TCF12: variants seen among roughly 807,000 people sequenced by gnomAD.
The protein encoded by TCF12 is transcription factor 12.
TCF12 carries 45 observed loss-of-function variants against 86.0 expected under a neutral mutation model. The observed-to-expected ratio is 0.52, with a 90% CI of 0.41 to 0.67. The LOEUF (loss-of-function observed/expected upper bound fraction) is 0.67, where lower values mean the gene tolerates loss of function less well. Ranked by LOEUF, TCF12 falls within the 30% of genes least tolerant of loss-of-function variation. The pLI is 0.00. For missense variants in TCF12, 881 were observed against 859.9 expected (o/e 1.02, Z -0.31); for synonymous variants, 330 against 299.6 (o/e 1.10, Z -1.05).
chr15:56,931,384 A>G (rs1379201332), intron 3 of TCF12, among the ~76,000 whole-genome samples: 1 of 152,134 alleles, frequency 6.6e-6, no homozygotes. Flanking sequence ...TTTCAGGGTA[A>G]AAATCAGGAG....
intron 3 of TCF12, among the ~76,000 whole-genome samples, chr15:57,024,607 A>G (rs1201325810): frequency 1.3e-5 from 2 of 152,210 alleles, no homozygotes; most frequent in East Asian, 1.9e-4. Context: ...TTTATTAATG[A>G]TAAGATGATC....
chr15:57,089,407 G>T (rs890528891), intron 4 of TCF12, among the ~76,000 whole-genome samples: 1 of 152,078 alleles, frequency 6.6e-6, no homozygotes, highest in Non-Finnish European at 1.5e-5. Flanking sequence ...ATTTTCTGGT[G>T]CACTGTGAAA....
chr15:56,928,066 A>G (rs1324694455), intron 3 of TCF12, among the ~76,000 whole-genome samples: 1 of 151,996 alleles, frequency 6.6e-6, no homozygotes. Flanking sequence ...GAGAGAGACA[A>G]TATAGTGTAT....
At chr15:57,118,521 C>T (rs1401608126) in intron 5 of TCF12, 2 of 152,042 alleles carry the variant, frequency 1.3e-5, no homozygotes, top group Non-Finnish European at 2.9e-5. Flanking sequence ...TCAGACAGTG[C>T]TGTTACCCTT....
intron 5 of TCF12, among the ~76,000 whole-genome samples, chr15:57,107,255 T>C (rs955742374): frequency 6.8e-6 from 1 of 147,930 alleles, no homozygotes; most frequent in Admixed American, 7.5e-5. Flanking sequence ...TATCAAGCCA[T>C]GAAGAGAGAT....
At chr15:56,999,009 TA>T (rs1173045494) in intron 3 of TCF12, among the ~76,000 whole-genome samples, 1 of 151,808 alleles carries the variant, frequency 6.6e-6, no homozygotes, top group African/African-American at 2.4e-5. Context: ...CCATCCTGGT[TA>T]ACGTGGTGAA....
At chr15:57,265,985 A>C (rs2060846742) in intron 18 of TCF12, among the ~76,000 whole-genome samples, 1 of 152,218 alleles carries the variant, frequency 6.6e-6, no homozygotes, top group South Asian at 2.1e-4. Context: ...ATAACTGTAT[A>C]TTAATATAAG....
chr15:57,057,080 C>G (rs747161573), intron 3 of TCF12, among the ~76,000 whole-genome samples: 1 of 152,158 alleles, frequency 6.6e-6, no homozygotes, highest in Admixed American at 6.5e-5. Flanking sequence ...TGGTTAGACT[C>G]ATAGCAAAAA....
intron 5 of TCF12, among the ~76,000 whole-genome samples, chr15:57,160,214 A>G (rs1018863538): frequency 1.3e-5 from 2 of 152,158 alleles, no homozygotes; most frequent in Non-Finnish European, 2.9e-5. Context: ...GGTTTAATTG[A>G]CTCACAGTTC....
intron 5 of TCF12, among the ~76,000 whole-genome samples, chr15:57,101,454 CCAGGCTTGGCCTCT>C (rs2049743454): frequency 6.6e-6 from 1 of 152,180 alleles, no homozygotes; most frequent in African/African-American, 2.4e-5. Flanking sequence ...AAGCGATCCT[CCAGGCTTGGCCTCT>C]CAAAGTGCTA....
chr15:57,097,559 AG>A (rs1225090239), intron 5 of TCF12, among the ~76,000 whole-genome samples: 1 of 152,072 alleles, frequency 6.6e-6, no homozygotes, highest in Non-Finnish European at 1.5e-5. Context: ...AAAGATATGT[AG>A]TTTGATATAC....
chr15:57,091,252 T>G (rs2151114752), intron 4 of TCF12, among the ~76,000 whole-genome samples: 1 of 152,320 alleles, frequency 6.6e-6, no homozygotes, highest in Non-Finnish European at 1.5e-5. Flanking sequence ...AAGGATTCAT[T>G]TCTAGCATAT....
chr15:57,162,582 C>T (rs1162880107), intron 5 of TCF12, among the ~76,000 whole-genome samples: 11 of 152,088 alleles, frequency 7.2e-5, no homozygotes, highest in African/African-American at 2.7e-4. Flanking sequence ...TCAGAAGAAA[C>T]TTTTACTTTG....
At chr15:56,987,157 C>A (rs1288184217) in intron 3 of TCF12, among the ~76,000 whole-genome samples, 1 of 151,834 alleles carries the variant, frequency 6.6e-6, no homozygotes, top group Non-Finnish European at 1.5e-5. Context: ...GTTGCCCAGG[C>A]CTGGAGTTCA....
At chr15:56,930,471 C>T (rs553865459) in intron 3 of TCF12, among the ~76,000 whole-genome samples, 31 of 152,218 alleles carry the variant, frequency 2.0e-4, no homozygotes, top group African/African-American at 2.6e-4. Flanking sequence ...TCATGTGGTC[C>T]GGAGGCCCAT....
intron 5 of TCF12, among the ~76,000 whole-genome samples, chr15:57,143,553 C>T (rs75315999): frequency 1.3e-5 from 2 of 151,974 alleles, no homozygotes; most frequent in African/African-American, 4.8e-5. Flanking sequence ...ATTTTGTGTT[C>T]CATGTATAGA....
At chr15:57,196,044 T>G (rs2057247634) in intron 7 of TCF12, among the ~76,000 whole-genome samples, 1 of 151,950 alleles carries the variant, frequency 6.6e-6, no homozygotes, top group Non-Finnish European at 1.5e-5. Context: ...TATTGTATAG[T>G]GTCATTTATG....
At chr15:57,017,726 C>CTTTTTTTT (rs34230192) in intron 3 of TCF12, among the ~76,000 whole-genome samples, 2 of 130,564 alleles carry the variant, frequency 1.5e-5, no homozygotes, top group Non-Finnish European at 3.2e-5. Flanking sequence ...AATTTTCTTT[C>CTTTTTTTT]TTTTTTTTTT....
intron 12 of TCF12, among the ~76,000 whole-genome samples, chr15:57,235,500 C>T (rs566388166): frequency 7.2e-5 from 11 of 152,244 alleles, no homozygotes; most frequent in African/African-American, 2.2e-4. Flanking sequence ...CCAGAAAGTG[C>T]GGTGCTGTGG....
Sources: allele counts gnomAD v4.1 joint callset (sites outside exome capture counted in the v4.1 genomes callset), GRCh38; gene constraint gnomAD v4.1.1; transcripts MANE v1.5; gene names NCBI Gene and HGNC (gene_info 2026-07-23, HGNC 2026-07-21).